The following SHISA6 variants were observed in gnomAD, a reference collection of about 807,000 sequenced individuals.
SHISA6 encodes shisa family member 6.
SHISA6 carries 22 observed loss-of-function variants against 47.9 expected under a neutral mutation model. The ratio of observed to expected loss-of-function variants is 0.46; its 90% confidence interval spans 0.33 to 0.66. The LOEUF (loss-of-function observed/expected upper bound fraction) is 0.66, where lower values mean the gene tolerates loss of function less well. Ranked by LOEUF, SHISA6 falls within the 30% of genes least tolerant of loss-of-function variation. The pLI, the probability that SHISA6 is intolerant of heterozygous loss-of-function variation, is 0.02. For missense variants in SHISA6, 680 were observed against 764.6 expected (o/e 0.89, Z 1.30); for synonymous variants, 388 against 337.8 (o/e 1.15, Z -1.63).
chr17:11,404,987 A>C (rs1913901669), intron 3 of SHISA6, among the ~76,000 whole-genome samples: 1 of 152,132 alleles, frequency 6.6e-6, no homozygotes, highest in South Asian at 2.1e-4. Flanking sequence ...AATCTTACCC[A>C]AAATCCCTTC....
intron 3 of SHISA6, among the ~76,000 whole-genome samples, chr17:11,409,757 A>G (rs1441025051): frequency 6.6e-6 from 1 of 151,836 alleles, no homozygotes; most frequent in African/African-American, 2.4e-5. Context: ...TCTGTTGGAG[A>G]AAGTTAGGAG....
intron 3 of SHISA6, among the ~76,000 whole-genome samples, chr17:11,514,128 C>A (rs932530091): frequency 6.6e-6 from 1 of 152,150 alleles, no homozygotes; most frequent in African/African-American, 2.4e-5. Context: ...GACTGGCACC[C>A]TCTCCTCTTC....
intron 3 of SHISA6, among the ~76,000 whole-genome samples, chr17:11,388,019 T>C (rs1913251021): frequency 6.6e-6 from 1 of 152,084 alleles, no homozygotes; most frequent in Admixed American, 6.6e-5. Context: ...TATGGATGTG[T>C]ATGTGTGGGC....
At chr17:11,550,446 C>T (rs529590873) in intron 3 of SHISA6, among the ~76,000 whole-genome samples, 10 of 152,078 alleles carry the variant, frequency 6.6e-5, no homozygotes, top group African/African-American at 2.4e-4. Context: ...TGGGAATTCA[C>T]AGGATTTGTC....
At chr17:11,377,881 G>A (rs1912861728) in intron 2 of SHISA6, among the ~76,000 whole-genome samples, 1 of 152,090 alleles carries the variant, frequency 6.6e-6, no homozygotes, top group Non-Finnish European at 1.5e-5. Context: ...TGAGTCTGAG[G>A]GTCTGCATTT....
chr17:11,319,693 C>A (rs1157276226), intron 2 of SHISA6, among the ~76,000 whole-genome samples: 1 of 152,172 alleles, frequency 6.6e-6, no homozygotes, highest in Admixed American at 6.5e-5. Context: ...TATTCAAATT[C>A]TTCTAATTCT....
rs148377376 is a variant in SHISA6, at chr17:11,468,847, C to A, written c.896-83049C>A. ...GCCAGCCTGGCCAACATGGTGTAAC[C>A]CCATTTCTACTAAAAATACAAAAAT... On this transcript the variant is annotated intron_variant, in intron 3 of 5. Transcript: ENST00000441885. Among the ~76,000 whole-genome samples the A allele has an allele frequency of 4.9e-3, 747 of 151,702 alleles. 5 individuals are homozygous for A. The highest frequency in any genetic ancestry group is 0.017 in the African/African-American group (718 of 41,372).
intron 3 of SHISA6, among the ~76,000 whole-genome samples, chr17:11,439,655 A>G (rs1428731262): frequency 2.0e-5 from 3 of 152,048 alleles, no homozygotes; most frequent in Non-Finnish European, 4.4e-5. Flanking sequence ...GACATCAAAT[A>G]AATAAAGCAG....
intron 3 of SHISA6, among the ~76,000 whole-genome samples, chr17:11,443,436 T>C (rs2142299263): frequency 6.6e-6 from 1 of 152,256 alleles, no homozygotes; most frequent in East Asian, 1.9e-4. Flanking sequence ...ATAAAATGGT[T>C]CCAAGAACAA....
At chr17:11,533,539 T>C (rs1370745769) in intron 3 of SHISA6, among the ~76,000 whole-genome samples, 1 of 151,894 alleles carries the variant, frequency 6.6e-6, no homozygotes, top group Admixed American at 6.6e-5. Flanking sequence ...AAGTCTCCTT[T>C]ATAGCTGCAT....
intron 1 of SHISA6, among the ~76,000 whole-genome samples, chr17:11,250,993 A>G (rs1907780984): frequency 6.6e-6 from 1 of 152,106 alleles, no homozygotes; most frequent in Admixed American, 6.5e-5. Flanking sequence ...TCCTCCCATC[A>G]TCCCGTCTGA....
At chr17:11,554,298 G>A (rs898631716) in intron 4 of SHISA6, among the ~76,000 whole-genome samples, 1 of 152,100 alleles carries the variant, frequency 6.6e-6, no homozygotes, top group African/African-American at 2.4e-5. Flanking sequence ...GGGATGTAGA[G>A]CACCCTCCAC....
intron 3 of SHISA6, among the ~76,000 whole-genome samples, chr17:11,526,929 ATATATATT>A (rs1413204204): frequency 1.6e-3 from 38 of 23,576 alleles, no homozygotes; most frequent in Middle Eastern, 0.031. Context: ...ATATATATAT[ATATATATT>A]ATAATGATCA....
chr17:11,477,156 T>C (rs1383574140), intron 3 of SHISA6, among the ~76,000 whole-genome samples: 3 of 152,228 alleles, frequency 2.0e-5, no homozygotes, highest in Non-Finnish European at 2.9e-5. Context: ...TGTGTCTTTA[T>C]ATTTAAAGTG....
intron 2 of SHISA6, chr17:11,289,270 A>AT (rs1321810268): frequency 6.6e-6 from 1 of 151,926 alleles, no homozygotes; most frequent in East Asian, 1.9e-4. Flanking sequence ...TGCAAAACCA[A>AT]TTTTGTCAAA....
chr17:11,247,726 A>G (rs1417216622), intron 1 of SHISA6, among the ~76,000 whole-genome samples: 1 of 148,472 alleles, frequency 6.7e-6, no homozygotes, highest in African/African-American at 2.5e-5. Flanking sequence ...ACTCCACCCC[A>G]TTATTTCTTC....
intron 3 of SHISA6, among the ~76,000 whole-genome samples, chr17:11,425,235 G>A (rs189524580): frequency 3.3e-5 from 5 of 151,710 alleles, no homozygotes; most frequent in Non-Finnish European, 7.4e-5. Flanking sequence ...TCTTGAGGGT[G>A]GTTGGAAACA....
chr17:11,333,343 A>T lies in SHISA6; in HGVS notation c.800-46071A>T, dbSNP rs190999978. 2.4e-3 allele frequency among the ~76,000 whole-genome samples: 372 copies of T among 152,180 alleles called. 3 individuals are homozygous for T. Among genetic ancestry groups the T allele is most frequent in the African/African-American group, 8.3e-3 (344 of 41,528 alleles). On this transcript the variant is annotated intron_variant, in intron 2 of 5. Transcript: ENST00000441885. ...TTCTGAGTGATAGGAGCCCTTAGAT[A>T]GCTCCAGCGTGGGGCAGTTGCCAGA...
chr17:11,552,029 G>A (rs2071936157), intron 4 of SHISA6, 77 bp downstream of exon 4: 1 of 1,445,692 alleles, frequency 6.9e-7, no homozygotes, highest in South Asian at 1.2e-5. Context: ...TGCCTATCAG[G>A]GCATCAAACA....
Sources: allele counts gnomAD v4.1 joint callset (sites outside exome capture counted in the v4.1 genomes callset), GRCh38; gene constraint gnomAD v4.1.1; transcripts MANE v1.5; gene names NCBI Gene and HGNC (gene_info 2026-07-23, HGNC 2026-07-21).